The following DAD1 variants were observed in gnomAD, a reference collection of about 807,000 sequenced individuals.
DAD1 encodes defender against cell death 1, also known as dolichyl-diphosphooligosaccharide--protein glycosyltransferase subunit DAD1.
Under a neutral mutation model 9.0 loss-of-function variants are expected in DAD1, and 4 were observed. The observed-to-expected ratio is 0.44, with a 90% confidence interval of 0.22 to 1.01. The LOEUF (loss-of-function observed/expected upper bound fraction) is 1.01, where lower values mean the gene tolerates loss of function less well. Among genes scored for constraint, DAD1 ranks in the 50% least tolerant of loss-of-function variants. DAD1 has a pLI of 0.24. For missense variants in DAD1, 119 were observed against 137.3 expected (o/e 0.87, Z 0.67); for synonymous variants, 60 against 62.5 (o/e 0.96, Z 0.19).
chr14:22,575,195 C>T lies in DAD1; in HGVS notation c.250G>A (p.Asp84Asn). 6.2e-7 allele frequency: 1 copy of T among 1,614,172 alleles called. No homozygotes were observed. The highest frequency in any genetic ancestry group is 1.3e-5 in the African/African-American group (1 of 75,050). ...RIQINPQNKADFQGISPERAF... is the reference protein window; with the variant it reads ...RIQINPQNKANFQGISPERAF... ...CGCTCTGGGGAGATGCCTTGGAAAT[C>T]CGCTTTGTTCTGTGGGTTGATCTGT... is the stretch of plus-strand genomic sequence containing the variant. The change falls in exon 2 of 3, where the codon GAT (aspartate) becomes AAT (asparagine). Residue 84 changes from aspartate (D) to asparagine (N), a missense_variant. Physicochemically the swap from Asp to Asn is conservative, Grantham distance 23 (BLOSUM62 1). Transcript: ENST00000250498.
chr14:22,568,041 A>T (rs2037012786), intron 2 of DAD1, among the ~76,000 whole-genome samples: 1 of 152,250 alleles, frequency 6.6e-6, no homozygotes, highest in African/African-American at 2.4e-5. Flanking sequence ...TGACATATAT[A>T]TAAAGCCATC....
intron 1 of DAD1, among the ~76,000 whole-genome samples, chr14:22,578,244 A>G (rs1308244333): frequency 7.1e-6 from 1 of 139,944 alleles, no homozygotes; most frequent in African/African-American, 2.8e-5. Flanking sequence ...CAAGAGCGAA[A>G]CTCCATCTAA....
chr14:22,565,208 A>C, intron 2 of DAD1, 71 bp from the exon 3 acceptor site: 1 of 695,424 alleles, frequency 1.4e-6, no homozygotes, highest in East Asian at 2.7e-5. Context: ...CTTCCATCTA[A>C]ATTCTAACCC....
intron 2 of DAD1, among the ~76,000 whole-genome samples, chr14:22,570,318 C>T (rs948001048): frequency 5.3e-5 from 8 of 152,098 alleles, no homozygotes; most frequent in African/African-American, 1.4e-4. Context: ...TGGTCTTCCC[C>T]CACACAACAA....
chr14:22,567,940 A>C (rs5742852), intron 2 of DAD1, among the ~76,000 whole-genome samples: 14,283 of 152,230 alleles, frequency 0.094, 1,236 homozygotes, highest in African/African-American at 0.23. Context: ...AAAAGAAAAG[A>C]ATCCAGTCTG....
intron 1 of DAD1, among the ~76,000 whole-genome samples, chr14:22,580,934 A>G (rs1209647068): frequency 3.3e-5 from 5 of 152,110 alleles, no homozygotes; most frequent in African/African-American, 1.2e-4. Flanking sequence ...TGGAAACAAA[A>G]AAGGCAAAAA....
At chr14:22,577,179 A>G (rs1407925039) in intron 1 of DAD1, among the ~76,000 whole-genome samples, 1 of 152,220 alleles carries the variant, frequency 6.6e-6, no homozygotes, top group African/African-American at 2.4e-5. Flanking sequence ...CACACCTGCA[A>G]TCCCAGCACT....
intron 1 of DAD1, among the ~76,000 whole-genome samples, chr14:22,576,947 T>G (rs184833689): frequency 6.6e-6 from 1 of 152,240 alleles, no homozygotes; most frequent in East Asian, 1.9e-4. Flanking sequence ...TATTAGGATG[T>G]CTAGTATCAA....
intron 1 of DAD1, among the ~76,000 whole-genome samples, chr14:22,586,178 G>C (rs933495008): frequency 6.0e-5 from 9 of 149,008 alleles, no homozygotes; most frequent in Middle Eastern, 3.3e-3. Flanking sequence ...CCAGCCTGGG[G>C]GACAGAGTGA....
At chr14:22,581,863 T>C (rs2037118597) in intron 1 of DAD1, among the ~76,000 whole-genome samples, 1 of 151,180 alleles carries the variant, frequency 6.6e-6, no homozygotes, top group South Asian at 2.1e-4. Flanking sequence ...ACAGTACGGA[T>C]TCAGTTATAA....
intron 1 of DAD1, among the ~76,000 whole-genome samples, chr14:22,584,090 A>G (rs1032144108): frequency 1.3e-5 from 2 of 152,010 alleles, no homozygotes; most frequent in African/African-American, 4.8e-5. Flanking sequence ...ACTTGTCTGT[A>G]TTTCCCACTA....
At chr14:22,565,351 T>G (rs1032330314) in intron 2 of DAD1, among the ~76,000 whole-genome samples, 2 of 152,226 alleles carry the variant, frequency 1.3e-5, no homozygotes, top group African/African-American at 4.8e-5. Flanking sequence ...AAAACTGAAT[T>G]TCAAGCACAT....
chr14:22,569,213 T>C (rs1167506867), intron 2 of DAD1, among the ~76,000 whole-genome samples: 1 of 152,154 alleles, frequency 6.6e-6, no homozygotes. Context: ...GGTAGGCAGA[T>C]CACAAAGTCA....
At chr14:22,585,203 A>G (rs2037143989) in intron 1 of DAD1, among the ~76,000 whole-genome samples, 1 of 152,270 alleles carries the variant, frequency 6.6e-6, no homozygotes. Flanking sequence ...TTTGTAAACT[A>G]GGAAAAACAA....
chr14:22,566,776 A>C (rs937247180), intron 2 of DAD1, among the ~76,000 whole-genome samples: 1 of 152,266 alleles, frequency 6.6e-6, no homozygotes, highest in Non-Finnish European at 1.5e-5. Flanking sequence ...TAAAACATTT[A>C]AATCTAAGAT....
chr14:22,589,080 C>T lies in DAD1; in HGVS notation c.78G>A (p.Leu26=). 6.2e-7 allele frequency: 1 copy of T among 1,614,242 alleles called. No individual in the cohort carries two copies. Among genetic ancestry groups the T allele is most frequent in the African/African-American group, 1.3e-5 (1 of 75,062 alleles). The change falls in exon 1 of 3, where the codon TTG becomes TTA. Residue 26 remains leucine, a synonymous_variant. Transcript: ENST00000250498. ...YLSSTPQRLK[L]LDAYLLYILL... ...GTATATACAGCAGGTACGCGTCCAG[C>T]AACTTCAGACGCTGCGGAGTGGAGC...
At chr14:22,583,875 T>G (rs577390234) in intron 1 of DAD1, among the ~76,000 whole-genome samples, 1 of 152,216 alleles carries the variant, frequency 6.6e-6, no homozygotes, top group South Asian at 2.1e-4. Context: ...AATTCTTATC[T>G]ACTTCTTTTT....
chr14:22,582,672 G>A (rs2037125565), intron 1 of DAD1, among the ~76,000 whole-genome samples: 1 of 152,162 alleles, frequency 6.6e-6, no homozygotes, highest in Non-Finnish European at 1.5e-5. Context: ...CAGGAGATAA[G>A]AGAAATCAAG....
At chr14:22,586,571 C>T (rs1261017275) in intron 1 of DAD1, among the ~76,000 whole-genome samples, 1 of 152,074 alleles carries the variant, frequency 6.6e-6, no homozygotes, top group Admixed American at 6.6e-5. Context: ...CTTGGCCTGG[C>T]ATTCAAACAT....
Sources: allele counts gnomAD v4.1 joint callset (sites outside exome capture counted in the v4.1 genomes callset), GRCh38; gene constraint gnomAD v4.1.1; transcripts MANE v1.5; gene names NCBI Gene and HGNC (gene_info 2026-07-23, HGNC 2026-07-21).